KCNN2: variants seen among roughly 807,000 people sequenced by gnomAD.
The protein encoded by KCNN2 is small conductance calcium-activated potassium channel protein 2.
In KCNN2, 24 loss-of-function variants were observed where a neutral mutation model predicts 55.5. The ratio of observed to expected loss-of-function variants is 0.43; its 90% CI spans 0.31 to 0.61. KCNN2 has a LOEUF of 0.61. Among genes scored for constraint, KCNN2 ranks in the 20% least tolerant of loss-of-function variants. KCNN2 has a pLI of 0.08. For synonymous variants in KCNN2, 431 were observed against 336.1 expected (o/e 1.28, Z -3.09); for missense variants, 754 against 853.6 (o/e 0.88, Z 1.45).
At chr5:114,090,577 G>A (rs539804713) in intron 1 of KCNN2, among the ~76,000 whole-genome samples, 148 of 148,962 alleles carry the variant, frequency 9.9e-4, no homozygotes, top group African/African-American at 3.3e-3. Flanking sequence ...ATATATGTAT[G>A]TATATATATA....
intron 7 of KCNN2, among the ~76,000 whole-genome samples, chr5:114,494,695 T>C (rs528333216): frequency 6.6e-6 from 1 of 152,248 alleles, no homozygotes; most frequent in Admixed American, 6.5e-5. Flanking sequence ...TCTTTATTAA[T>C]GTACTTATTA....
chr5:114,415,599 T>C (rs1457326075), intron 3 of KCNN2, among the ~76,000 whole-genome samples: 1 of 152,152 alleles, frequency 6.6e-6, no homozygotes, highest in Non-Finnish European at 1.5e-5. Flanking sequence ...GAGTATAAAG[T>C]GGTATCTTAT....
chr5:114,457,288 A>G lies in KCNN2; in HGVS notation c.1638-5761A>G, dbSNP rs144070414. Among the ~76,000 whole-genome samples the G allele has an allele frequency of 9.6e-4, 146 of 152,330 alleles. 2 individuals carry two copies. Among genetic ancestry groups the G allele is most frequent in the African/African-American group, 3.4e-3 (143 of 41,582 alleles). ...AGATTATGACTCATTGAAGACTTAA[A>G]TCCATAGAATTTTTGAGCAATACAG... On this transcript the variant is annotated intron_variant, in intron 3 of 7. Transcript: ENST00000673685.
At chr5:114,106,181 A>AT (rs927361805) in intron 1 of KCNN2, among the ~76,000 whole-genome samples, 198 of 143,482 alleles carry the variant, frequency 1.4e-3, no homozygotes, top group Middle Eastern at 3.8e-3. Flanking sequence ...TTTTTCAGCT[A>AT]TTTTTTTTTT....
intron 2 of KCNN2, among the ~76,000 whole-genome samples, chr5:114,401,671 A>G (rs1307539484): frequency 6.6e-6 from 1 of 152,204 alleles, no homozygotes; most frequent in East Asian, 1.9e-4. Flanking sequence ...ACTACATGCT[A>G]GAGGAGCTGA....
intron 2 of KCNN2, among the ~76,000 whole-genome samples, chr5:114,320,110 A>C (rs982865116): frequency 6.6e-6 from 1 of 152,150 alleles, no homozygotes; most frequent in Non-Finnish European, 1.5e-5. Context: ...ATATCCCCAA[A>C]CATGAATGAG....
chr5:114,286,023 G>T (rs968222764), intron 2 of KCNN2, among the ~76,000 whole-genome samples: 10 of 151,294 alleles, frequency 6.6e-5, no homozygotes, highest in Non-Finnish European at 8.8e-5. Context: ...GGGTTCAAGC[G>T]ATTATCCTGT....
intron 2 of KCNN2, among the ~76,000 whole-genome samples, chr5:114,382,921 T>C (rs77550304): frequency 0.043 from 6,557 of 152,272 alleles, 158 homozygotes; most frequent in Middle Eastern, 0.068. Flanking sequence ...GTTTACAAAA[T>C]TGTTTCAGTG....
intron 1 of KCNN2, among the ~76,000 whole-genome samples, chr5:114,207,367 G>A (rs1026699668): frequency 6.6e-6 from 1 of 152,158 alleles, no homozygotes; most frequent in Non-Finnish European, 1.5e-5. Context: ...ATTTGTGAAA[G>A]GAAGAATAGA....
chr5:114,187,809 T>C (rs1394253223), intron 1 of KCNN2, among the ~76,000 whole-genome samples: 2 of 148,834 alleles, frequency 1.3e-5, no homozygotes, highest in Admixed American at 6.7e-5. Flanking sequence ...CCCGGCCCCC[T>C]TTTTTTTCTT....
At chr5:114,172,326 C>T (rs1172478191) in intron 1 of KCNN2, among the ~76,000 whole-genome samples, 5 of 151,724 alleles carry the variant, frequency 3.3e-5, no homozygotes, top group Admixed American at 6.6e-5. Context: ...GGGTTTTTAC[C>T]TTATTTTTTG....
At chr5:114,324,139 T>C (rs1756671464) in intron 2 of KCNN2, among the ~76,000 whole-genome samples, 1 of 152,212 alleles carries the variant, frequency 6.6e-6, no homozygotes, top group African/African-American at 2.4e-5. Flanking sequence ...TCATCTTCAT[T>C]AAAGAATAAC....
At chr5:114,472,378 C>CT (rs1384549574) in intron 4 of KCNN2, among the ~76,000 whole-genome samples, 2 of 152,176 alleles carry the variant, frequency 1.3e-5, no homozygotes, top group African/African-American at 4.8e-5. Context: ...AAAAGGAACA[C>CT]TGTTGGTTTT....
chr5:114,292,594 G>A (rs1755917860), intron 2 of KCNN2, among the ~76,000 whole-genome samples: 2 of 152,148 alleles, frequency 1.3e-5, no homozygotes, highest in Admixed American at 1.3e-4. Context: ...GGTTACTGTA[G>A]CCTTGTAGTA....
intron 2 of KCNN2, among the ~76,000 whole-genome samples, chr5:114,235,736 A>G (rs1742346505): frequency 6.6e-6 from 1 of 152,266 alleles, no homozygotes; most frequent in Non-Finnish European, 1.5e-5. Context: ...CTGAAGATAC[A>G]TCACAAAAGT....
intron 1 of KCNN2, among the ~76,000 whole-genome samples, chr5:114,128,762 T>C (rs1751989220): frequency 6.6e-6 from 1 of 152,166 alleles, no homozygotes; most frequent in Non-Finnish European, 1.5e-5. Flanking sequence ...TAACTGATAC[T>C]TAAAATCAGA....
chr5:114,386,181 TAAAA>T (rs35485329), intron 2 of KCNN2, among the ~76,000 whole-genome samples: 1 of 100,920 alleles, frequency 9.9e-6, no homozygotes, highest in Non-Finnish European at 1.9e-5. Context: ...AGACTCTGTC[TAAAA>T]AAAAAAAAAA....
At chr5:114,407,875 C>T (rs1370999047) in intron 3 of KCNN2, among the ~76,000 whole-genome samples, 1 of 152,210 alleles carries the variant, frequency 6.6e-6, no homozygotes, top group African/African-American at 2.4e-5. Context: ...AGTAGGTCCA[C>T]AGACCTTGTG....
intron 2 of KCNN2, among the ~76,000 whole-genome samples, chr5:114,289,263 T>C (rs1443133343): frequency 2.0e-5 from 3 of 152,138 alleles, no homozygotes; most frequent in Non-Finnish European, 4.4e-5. Context: ...TGTTTTGAAA[T>C]CACAAGTACA....
Sources: allele counts gnomAD v4.1 joint callset (sites outside exome capture counted in the v4.1 genomes callset), GRCh38; gene constraint gnomAD v4.1.1; transcripts MANE v1.5; gene names NCBI Gene and HGNC (gene_info 2026-07-23, HGNC 2026-07-21).